KRAS: variants seen among roughly 807,000 people sequenced by gnomAD.
KRAS encodes the protein KRas proto-oncogene, GTPase.
In KRAS, 1 loss-of-function variant was observed where a neutral mutation model predicts 21.0. The observed-to-expected ratio is 0.05, with a 90% CI of 0.02 to 0.23. The LOEUF is 0.23. Among genes scored for constraint, KRAS ranks in the 10% least tolerant of loss-of-function variants. The probability of loss-of-function intolerance (pLI) is 1.00; values close to 1 mark genes in which losing one functional copy is unlikely to be tolerated. For synonymous variants in KRAS, 67 were observed against 72.5 expected, an observed-to-expected ratio of 0.92 and a Z score of 0.39; for missense variants, 107 against 221.8, an observed-to-expected ratio of 0.48 and a Z score of 3.29.
At chr12:25,210,035 A>AAT in intron 4 of KRAS, 124 bp from the exon 5 acceptor site, 1 of 668,290 alleles carries the variant, frequency 1.5e-6, no homozygotes, top group South Asian at 2.1e-5. Context: ...CAGGCAACTG[A>AAT]ATATATATTA....
chr12:25,228,352 TTAAG>T (rs1432555330), intron 2 of KRAS, among the ~76,000 whole-genome samples: 2 of 151,804 alleles, frequency 1.3e-5, no homozygotes. Context: ...GCTGAACCAG[TTAAG>T]TATCTATGAA....
At chr12:25,233,824 T>C (rs903267679) in intron 2 of KRAS, 1 of 199,484 alleles carries the variant, frequency 5.0e-6, no homozygotes. Context: ...ATCCATTTGA[T>C]GTAAATATAT....
At chr12:25,210,376 C>T (rs1192215975) in intron 4 of KRAS, among the ~76,000 whole-genome samples, 1 of 152,156 alleles carries the variant, frequency 6.6e-6, no homozygotes, top group African/African-American at 2.4e-5. Flanking sequence ...TCTATACTTA[C>T]GTAAAATCCA....
intron 2 of KRAS, among the ~76,000 whole-genome samples, chr12:25,230,583 G>C (rs1951453783): frequency 6.6e-6 from 1 of 152,172 alleles, no homozygotes; most frequent in South Asian, 2.1e-4. Context: ...AGCTGAGATT[G>C]TGCCATTGCA....
rs1271836385 is a variant in KRAS, at chr12:25,245,258, T to C, written c.111+16A>G. ...TGGTCCTGCACCAGTAATATGCATATTAAAACAAGATTTACCTCTATTGTT... is the reference window on the plus strand; with the variant it reads ...TGGTCCTGCACCAGTAATATGCATACTAAAACAAGATTTACCTCTATTGTT... On this transcript the variant is annotated intron_variant, in intron 2 of 4. Coordinates refer to ENST00000311936, the MANE Select transcript of KRAS (RefSeq NM_004985.5). 6.3e-7 allele frequency: 1 copy of C among 1,593,678 alleles called. No homozygotes were observed. Among genetic ancestry groups the C allele is most frequent in the Non-Finnish European group, 8.6e-7 (1 of 1,167,492 alleles).
Position 25,206,162 on chromosome 12 carries a change from C to A in KRAS, c.*3633G>T. On this transcript the variant is annotated 3_prime_UTR_variant, in exon 5 of 5. Coordinates refer to ENST00000311936, the MANE Select transcript of KRAS (RefSeq NM_004985.5). Reference sequence around the variant, plus strand: ...TGAGATGAACTTGTGCAAACTGTAACTTAACATGCCCCACAAAGTTTCTAT... The same window carrying A: ...TGAGATGAACTTGTGCAAACTGTAAATTAACATGCCCCACAAAGTTTCTAT... The A allele has an allele frequency of 4.6e-6, 1 of 215,986 alleles. No homozygotes were observed. Among genetic ancestry groups the A allele is most frequent in the Non-Finnish European group, 9.3e-6 (1 of 107,190 alleles). The allele number at this position is 215,986 out of a possible 1,614,324, so 13.4% of individuals were successfully genotyped here.
rs577384387 is a variant in KRAS, at chr12:25,207,831, G to A, written c.*1964C>T. The A allele has an allele frequency of 4.3e-6, 1 of 233,118 alleles. No homozygotes were observed. The highest frequency in any genetic ancestry group is 1.8e-4 in the South Asian group (1 of 5,526). 14.4% of individuals were successfully genotyped at this position (233,118 alleles called of 1,614,324 possible). ...TATCTGTCAGATTCTCTTGAGCCCT[G>A]AGGAAATAAGATGTAGGGCATTTCT... On this transcript the variant is annotated 3_prime_UTR_variant, in exon 5 of 5. Transcript: ENST00000311936.
intron 4 of KRAS, among the ~76,000 whole-genome samples, chr12:25,212,580 A>AT (rs1951209901): frequency 6.6e-6 from 1 of 152,122 alleles, no homozygotes; most frequent in African/African-American, 2.4e-5. Flanking sequence ...TAAATAAGTA[A>AT]TAAAAAAAAA....
At chr12:25,212,378 G>C (rs1951208176) in intron 4 of KRAS, among the ~76,000 whole-genome samples, 1 of 152,140 alleles carries the variant, frequency 6.6e-6, no homozygotes, top group Non-Finnish European at 1.5e-5. Context: ...TTCTGACAAA[G>C]ATTCTAGGCT....
intron 2 of KRAS, among the ~76,000 whole-genome samples, 190 bp from the exon 3 acceptor site, chr12:25,227,602 T>C (rs1210001664): frequency 1.3e-5 from 2 of 151,984 alleles, no homozygotes; most frequent in Non-Finnish European, 2.9e-5. Flanking sequence ...ACATCATCAA[T>C]AGTCAGGAAA....
intron 2 of KRAS, among the ~76,000 whole-genome samples, chr12:25,230,515 CT>C (rs1306513932): frequency 6.6e-6 from 1 of 152,068 alleles, no homozygotes; most frequent in African/African-American, 2.4e-5. Flanking sequence ...GTAATCCCAG[CT>C]ACTCGGGAGG....
intron 2 of KRAS, among the ~76,000 whole-genome samples, chr12:25,235,776 C>T (rs1015002497): frequency 7.7e-4 from 117 of 152,082 alleles, no homozygotes; most frequent in African/African-American, 2.8e-3. Context: ...CTTAGAACAG[C>T]GGTCCCCAAC....
chr12:25,243,272 CAG>C (rs1164334852), intron 2 of KRAS, among the ~76,000 whole-genome samples: 3 of 152,122 alleles, frequency 2.0e-5, no homozygotes, highest in Non-Finnish European at 4.4e-5. Flanking sequence ...TCAGTTCCCT[CAG>C]AGACTCACTG....
intron 4 of KRAS, chr12:25,215,541 T>C: frequency 5.0e-6 from 8 of 1,611,738 alleles, no homozygotes; most frequent in Non-Finnish European, 5.1e-6. Context: ...CACCAATGTA[T>C]AAAAAGCATC....
intron 2 of KRAS, among the ~76,000 whole-genome samples, chr12:25,240,487 T>C (rs58252072): frequency 0.035 from 5,280 of 152,296 alleles, 252 homozygotes; most frequent in African/African-American, 0.11. Flanking sequence ...AATGAACTGA[T>C]GTGCAGGCAT....
chr12:25,210,329 A>G (rs61763585), intron 4 of KRAS, among the ~76,000 whole-genome samples: 3,066 of 152,258 alleles, frequency 0.02, 84 homozygotes, highest in African/African-American at 0.07. Flanking sequence ...CTATGTTCAT[A>G]TATCTTCACA....
rs2141505698 is a variant in KRAS, at chr12:25,225,642, A to T, written c.422T>A (p.Phe141Tyr). ...TCTTGTCTTTGCTGATGTTTCAATAAAAGGAATTCCATAACTTCTTGCTAA... is the reference window on the plus strand; with the variant it reads ...TCTTGTCTTTGCTGATGTTTCAATATAAGGAATTCCATAACTTCTTGCTAA... ...QDLARSYGIPFIETSAKTRQG... is the reference protein window; with the variant it reads ...QDLARSYGIPYIETSAKTRQG... The change falls in exon 4 of 5, where the codon TTT becomes TAT. Residue 141 changes from phenylalanine (F) to tyrosine (Y), a missense_variant. This residue lies in a region of KRAS where 65 missense variants were observed against 82.3 expected (regional missense o/e 0.79). Transcript: ENST00000311936. 2 of 1,613,156 alleles carry T rather than the reference A, an allele frequency of 1.2e-6. No individual in the cohort carries two copies. The highest frequency in any genetic ancestry group is 1.7e-6 in the Non-Finnish European group (2 of 1,179,474).
intron 2 of KRAS, chr12:25,235,212 A>G (rs1031889864): frequency 1.1e-5 from 6 of 555,512 alleles, no homozygotes; most frequent in South Asian, 2.3e-5. Context: ...CTTTTTACAT[A>G]CTGCTTAATA....
intron 4 of KRAS, among the ~76,000 whole-genome samples, chr12:25,218,456 AAAAAG>A (rs1951279780): frequency 6.6e-6 from 1 of 152,196 alleles, no homozygotes; most frequent in African/African-American, 2.4e-5. Flanking sequence ...GCCAATAATT[AAAAAG>A]AAGAGATTAT....
Sources: allele counts gnomAD v4.1 joint callset (sites outside exome capture counted in the v4.1 genomes callset), GRCh38; gene constraint gnomAD v4.1.1; regional missense constraint gnomAD v4.1.1; transcripts MANE v1.5; gene names NCBI Gene and HGNC (gene_info 2026-07-23, HGNC 2026-07-21).